The following MACROD2 variants were observed in gnomAD, a reference collection of about 807,000 sequenced individuals.
The protein encoded by MACROD2 is mono-ADP ribosylhydrolase 2.
Under a neutral mutation model 70.4 loss-of-function variants are expected in MACROD2, and 36 were observed. That is an observed-to-expected ratio of 0.51 (90% CI 0.39 to 0.68). The LOEUF is 0.68. Among genes scored for constraint, MACROD2 ranks in the 30% least tolerant of loss-of-function variants. The pLI is 0.00. For synonymous variants in MACROD2, 172 were observed against 178.8 expected (o/e 0.96, Z 0.30); for missense variants, 496 against 538.4 (o/e 0.92, Z 0.78).
At chr20:14,429,840 A>G (rs941125289) in intron 3 of MACROD2, among the ~76,000 whole-genome samples, 7 of 152,180 alleles carry the variant, frequency 4.6e-5, no homozygotes, top group Admixed American at 1.3e-4. Context: ...CTCCTTCAGG[A>G]GAACCATTTG....
intron 8 of MACROD2, among the ~76,000 whole-genome samples, chr20:15,824,830 A>G (rs1045671996): frequency 8.5e-5 from 13 of 152,292 alleles, no homozygotes; most frequent in Admixed American, 2.0e-4. Flanking sequence ...CACTATATCC[A>G]CCACTCAACC....
intron 3 of MACROD2, among the ~76,000 whole-genome samples, chr20:14,434,578 A>G (rs572985254): frequency 8.1e-4 from 123 of 152,160 alleles, no homozygotes; most frequent in Non-Finnish European, 1.5e-3. Context: ...TCTTGTTAAC[A>G]ACCTAAGGTG....
At chr20:14,376,273 T>A (rs2083369626) in intron 3 of MACROD2, among the ~76,000 whole-genome samples, 1 of 152,198 alleles carries the variant, frequency 6.6e-6, no homozygotes, top group South Asian at 2.1e-4. Context: ...ATTTTTTCAA[T>A]TTACACCTTT....
chr20:14,823,022 C>T (rs903329857), intron 5 of MACROD2, among the ~76,000 whole-genome samples: 1 of 152,050 alleles, frequency 6.6e-6, no homozygotes, highest in African/African-American at 2.4e-5. Flanking sequence ...ATGGCCAAAC[C>T]ATTGAAGAAA....
intron 5 of MACROD2, among the ~76,000 whole-genome samples, chr20:14,847,485 G>GTTTT (rs34778387): frequency 3.3e-5 from 4 of 121,450 alleles, no homozygotes; most frequent in Admixed American, 8.3e-5. Flanking sequence ...AGTGTTGCCT[G>GTTTT]TTTTTTTTTT....
intron 12 of MACROD2, among the ~76,000 whole-genome samples, chr20:15,943,688 G>GGT (rs1211589000): frequency 6.6e-6 from 1 of 151,882 alleles, no homozygotes; most frequent in Non-Finnish European, 1.5e-5. Context: ...AGAGGAAAAG[G>GGT]GTGTGTGTGT....
At chr20:15,878,646 A>C (rs753405957) in intron 9 of MACROD2, among the ~76,000 whole-genome samples, 3 of 152,164 alleles carry the variant, frequency 2.0e-5, no homozygotes, top group Non-Finnish European at 2.9e-5. Context: ...AACCCATAGC[A>C]TACTTCCTTT....
intron 8 of MACROD2, among the ~76,000 whole-genome samples, chr20:15,575,156 G>A (rs1440824324): frequency 2.0e-5 from 3 of 152,172 alleles, no homozygotes; most frequent in African/African-American, 7.2e-5. Flanking sequence ...CGTTTTAATA[G>A]AAAAGCTGTT....
intron 5 of MACROD2, among the ~76,000 whole-genome samples, chr20:14,766,712 T>C (rs2072094470): frequency 6.6e-6 from 1 of 152,112 alleles, no homozygotes; most frequent in Admixed American, 6.5e-5. Context: ...CCATGTAGGA[T>C]AGATTAAATT....
intron 8 of MACROD2, among the ~76,000 whole-genome samples, chr20:15,530,177 C>T (rs2047777376): frequency 6.6e-6 from 1 of 152,106 alleles, no homozygotes; most frequent in East Asian, 1.9e-4. Flanking sequence ...TGTCCCTCTA[C>T]CAACCTTAAG....
intron 3 of MACROD2, among the ~76,000 whole-genome samples, chr20:14,145,929 T>C (rs1290272976): frequency 1.3e-5 from 2 of 152,240 alleles, no homozygotes; most frequent in Non-Finnish European, 2.9e-5. Context: ...TGGAAGTCTG[T>C]TTAATCACTG....
intron 8 of MACROD2, 100 bp from the exon 9 acceptor site, chr20:15,862,645 T>C: frequency 1.1e-6 from 1 of 888,606 alleles, no homozygotes; most frequent in Non-Finnish European, 1.8e-6. Context: ...ACCAAAAATC[T>C]GTATGAGGCC....
intron 7 of MACROD2, among the ~76,000 whole-genome samples, chr20:15,470,288 A>T (rs2046948154): frequency 6.6e-6 from 1 of 152,110 alleles, no homozygotes; most frequent in Non-Finnish European, 1.5e-5. Context: ...TGACCCCATG[A>T]TCTGCCTGCC....
At chr20:15,209,413 A>G (rs930699203) in intron 5 of MACROD2, among the ~76,000 whole-genome samples, 1 of 152,170 alleles carries the variant, frequency 6.6e-6, no homozygotes, top group Non-Finnish European at 1.5e-5. Flanking sequence ...TTCTGTGAGT[A>G]TTTTAAATAC....
At chr20:15,660,841 G>A (rs953791035) in intron 8 of MACROD2, among the ~76,000 whole-genome samples, 1 of 111,374 alleles carries the variant, frequency 9.0e-6, no homozygotes, top group African/African-American at 3.1e-5. Context: ...TGTTTAATTG[G>A]ATTTCATTCT....
chr20:15,207,447 T>TTGG (rs569644834), intron 5 of MACROD2, among the ~76,000 whole-genome samples: 1 of 140,692 alleles, frequency 7.1e-6, no homozygotes, highest in South Asian at 2.3e-4. Context: ...TTTTTTTTTT[T>TTGG]TTTTTTTTTT....
At chr20:15,066,556 A>C (rs1258636235) in intron 5 of MACROD2, among the ~76,000 whole-genome samples, 2 of 152,140 alleles carry the variant, frequency 1.3e-5, no homozygotes, top group Non-Finnish European at 2.9e-5. Flanking sequence ...AAAAATACTT[A>C]TCCCATGATT....
At chr20:15,604,348 G>GT (rs964613106) in intron 8 of MACROD2, among the ~76,000 whole-genome samples, 7 of 152,094 alleles carry the variant, frequency 4.6e-5, no homozygotes, top group Admixed American at 3.9e-4. Context: ...TACCAATTCA[G>GT]TTTTTTTATT....
chr20:14,498,406 G>T (rs899104843), intron 4 of MACROD2, among the ~76,000 whole-genome samples: 4 of 152,180 alleles, frequency 2.6e-5, no homozygotes, highest in Admixed American at 2.0e-4. Context: ...GCACACATAT[G>T]TGCATACATT....
Sources: gnomAD v4.1 joint callset for allele counts (sites outside exome capture counted in the v4.1 genomes callset) on GRCh38, gnomAD v4.1.1 for gene constraint, MANE v1.5 for transcripts, NCBI Gene and HGNC (gene_info 2026-07-23, HGNC 2026-07-21) for gene names.